The following SPOCD1 variants were observed in gnomAD, a reference collection of about 807,000 sequenced individuals.
SPOCD1 encodes the protein SPOC domain containing 1, also known as SPOC domain-containing protein 1.
In SPOCD1, 64 loss-of-function variants were observed where a neutral mutation model predicts 92.2. The observed-to-expected ratio is 0.69, with a 90% CI of 0.57 to 0.86. The LOEUF (loss-of-function observed/expected upper bound fraction) is 0.86, where lower values mean the gene tolerates loss of function less well. SPOCD1 is among the 40% of genes least tolerant of loss of function. The pLI is 0.00. For synonymous variants in SPOCD1, 578 were observed against 619.3 expected (o/e 0.93, Z 0.99); for missense variants, 1,360 against 1,543.1 (o/e 0.88, Z 1.99).
chr1:31,793,697 TC>T, intron 12 of SPOCD1, 49 bp downstream of exon 12: 1 of 1,611,256 alleles, frequency 6.2e-7, no homozygotes, highest in African/African-American at 1.3e-5. Flanking sequence ...GGTGGTGGCC[TC>T]CCCCTCAACC....
rs766797096 is a variant in SPOCD1 at position 31,794,199 on chromosome 1, G to A, written c.2308C>T (p.Leu770=). Residue 770 remains leucine, a synonymous_variant, in exon 11 of 16, where the codon CTG becomes TTG. Transcript: ENST00000360482. The part of the protein sequence containing the change: ...QMFMDCSPQA[L]PIASEDTTGQ... Reference sequence around the variant, plus strand: ...GTGGTGTCCTCTGATGCGATGGGCAGGGCCTGTGGGCTGCAGTCCATGAAC... The same window carrying A: ...GTGGTGTCCTCTGATGCGATGGGCAAGGCCTGTGGGCTGCAGTCCATGAAC... The A allele has an allele frequency of 6.2e-7, 1 of 1,614,042 alleles. No homozygotes were observed. Among genetic ancestry groups the A allele is most frequent in the South Asian group, 1.1e-5 (1 of 91,076 alleles).
At chr1:31,813,456 G>T (rs1289309306) in intron 2 of SPOCD1, among the ~76,000 whole-genome samples, 1 of 152,170 alleles carries the variant, frequency 6.6e-6, no homozygotes, top group Admixed American at 6.5e-5. Context: ...GTAGAGACAG[G>T]GTTTCACCAT....
intron 9 of SPOCD1, among the ~76,000 whole-genome samples, chr1:31,797,510 A>G (rs892567966): frequency 1.3e-5 from 2 of 152,220 alleles, no homozygotes; most frequent in African/African-American, 2.4e-5. Context: ...GCCCCCACAG[A>G]GCCTGGACAG....
At chr1:31,809,537 A>AC (rs999922487) in intron 2 of SPOCD1, among the ~76,000 whole-genome samples, 8 of 151,900 alleles carry the variant, frequency 5.3e-5, no homozygotes, top group African/African-American at 1.7e-4. Context: ...CAAAAAAAAA[A>AC]ACACCAAAAA....
chr1:31,815,376 T>G lies in SPOCD1; in HGVS notation c.-39-4A>C. ...GGCCAAAAGCACAACACGGGCCCTG[T>G]GTGGAGACAGAAAGAGGAGACTTTG... On this transcript the variant is annotated splice_polypyrimidine_tract_variant and splice_region_variant and intron_variant, in intron 1 of 15. Transcript: ENST00000360482. 2 of 1,499,996 alleles carry G rather than the reference T, an allele frequency of 1.3e-6. No homozygotes were observed. The highest frequency in any genetic ancestry group is 8.9e-7 in the Non-Finnish European group (1 of 1,123,334). The allele number at this position is 1,499,996 out of a possible 1,614,324, so 92.9% of individuals were successfully genotyped here.
In SPOCD1 at chr1:31,790,426, A is replaced by T; in HGVS notation, c.*177T>A. ...CTGACCAGCTAGCAGATGCAATCCC[A>T]ATTTTACCAAATTCTTTATTGAACA... On this transcript the variant is annotated 3_prime_UTR_variant, in exon 16 of 16. Transcript: ENST00000360482. 1.5e-6 allele frequency: 1 copy of T among 662,648 alleles called. No individual in the cohort carries two copies. The highest frequency in any genetic ancestry group is 2.6e-6 in the Non-Finnish European group (1 of 390,174). The allele number at this position is 662,648 out of a possible 1,614,324, so 41.0% of individuals were successfully genotyped here.
chr1:31,815,189 G>A lies in SPOCD1; in HGVS notation c.145C>T (p.Pro49Ser), dbSNP rs749532502. The A allele has an allele frequency of 1.2e-6, 2 of 1,608,242 alleles. No homozygotes were observed. The highest frequency in any genetic ancestry group is 1.7e-6 in the Non-Finnish European group (2 of 1,175,598). ...CTTCTGCTGCCAGCCCTGACTCCGG[G>A]CCCAGAGCTTGCTCCCGGCCCATCT... ...SPDGPGASSGPGVRAGSRRKI... is the reference protein window; with the variant it reads ...SPDGPGASSGSGVRAGSRRKI... The change falls in exon 2 of 16, where the codon CCC (proline) becomes TCC (serine). Residue 49 changes from proline to serine, a missense_variant. Transcript: ENST00000360482.
At chr1:31,794,631 C>T (rs1647881460) in intron 10 of SPOCD1, 1 of 157,930 alleles carries the variant, frequency 6.3e-6, no homozygotes, top group African/African-American at 2.4e-5. Flanking sequence ...ATTCTTCTGC[C>T]TCAGCCTCCT....
At chr1:31,792,173 A>C (rs577823141) in intron 15 of SPOCD1, 42 bp downstream of exon 15, 1 of 1,559,396 alleles carries the variant, frequency 6.4e-7, no homozygotes, top group Non-Finnish European at 8.7e-7. Flanking sequence ...CTGGTCACCA[A>C]GTGAGCAGAG....
chr1:31,803,408 C>T (rs1018650293), intron 2 of SPOCD1, among the ~76,000 whole-genome samples: 6 of 150,936 alleles, frequency 4.0e-5, no homozygotes, highest in African/African-American at 1.5e-4. Flanking sequence ...CTGGACAACA[C>T]ATTTAAATAA....
chr1:31,815,489 G>A lies in SPOCD1; in HGVS notation c.-39-117C>T, dbSNP rs115861490. On this transcript the variant is annotated intron_variant, in intron 1 of 15. Coordinates refer to ENST00000360482, the MANE Select transcript of SPOCD1 (RefSeq NM_144569.7). ...AGCTCTCCCAGACCCTTCCACTCCT[G>A]AGGCCTAGGGGTGAGCACTCCAGGG... 3.8e-4 allele frequency: 269 copies of A among 701,614 alleles called. No individual in the cohort carries two copies. The African/African-American group carries it at 4.4e-3, about 11-fold the overall frequency. The allele number at this position is 701,614 out of a possible 1,614,324, so 43.5% of individuals were successfully genotyped here.
At chr1:31,804,735 G>A (rs995351799) in intron 2 of SPOCD1, among the ~76,000 whole-genome samples, 3 of 151,998 alleles carry the variant, frequency 2.0e-5, no homozygotes, top group Non-Finnish European at 2.9e-5. Flanking sequence ...TGATGAAGAT[G>A]TTGTTAAATC....
rs1375660523 is a variant in SPOCD1, at chr1:31,792,290, G to T, written c.2887C>A (p.His963Asn). ...AGGGGCAGCAGGACCATCCCCATGT[G>T]CTCCACAGAGGCCAGCCCGTGGCGC... ...RQRHGLASVE[H>N]MGMVLLPLPA... Residue 963 changes from histidine (H) to asparagine (N), a missense_variant, in exon 15 of 16, where the codon CAC (histidine) becomes AAC (asparagine). Physicochemically the swap from His to Asn is moderately conservative, Grantham distance 68. Around this residue, in one of 3 missense-constraint regions of SPOCD1, gnomAD observed 614 missense variants for 757.8 expected, o/e 0.81. Transcript: ENST00000360482. 6.2e-7 allele frequency: 1 copy of T among 1,613,766 alleles called. No homozygotes were observed. The highest frequency in any genetic ancestry group is 8.5e-7 in the Non-Finnish European group (1 of 1,179,918).
At position 31,793,508 on chromosome 1, in the gene SPOCD1, G is replaced by A. The variant is rs759074047; in HGVS notation, c.2535-80C>T. On this transcript the variant is annotated intron_variant, in intron 12 of 15. Transcript: ENST00000360482. Reference sequence around the variant, plus strand: ...CGGCACCTCCTTTCTTTTCAGAGCAGATCCTGTGTCCCTACTGTGGGGACT... The same window carrying A: ...CGGCACCTCCTTTCTTTTCAGAGCAAATCCTGTGTCCCTACTGTGGGGACT... 24 of 1,532,866 alleles carry A rather than the reference G, an allele frequency of 1.6e-5. No individual in the cohort carries two copies. In the South Asian group the frequency reaches 2.9e-4, roughly 18 times the overall value. 95.0% of individuals were successfully genotyped at this position (1,532,866 alleles called of 1,614,324 possible).
At chr1:31,809,465 G>T (rs888263695) in intron 2 of SPOCD1, among the ~76,000 whole-genome samples, 1 of 151,134 alleles carries the variant, frequency 6.6e-6, no homozygotes, top group Non-Finnish European at 1.5e-5. Context: ...ATATTCCCTG[G>T]AGATACCCCA....
At chr1:31,796,738 G>A (rs1274500936) in intron 9 of SPOCD1, 23 bp from the exon 10 acceptor site, 1 of 1,613,880 alleles carries the variant, frequency 6.2e-7, no homozygotes, top group Non-Finnish European at 8.5e-7. Flanking sequence ...AGCAGGCCAA[G>A]CTGAGCCCAG....
chr1:31,815,094 T>C lies in SPOCD1; in HGVS notation c.240A>G (p.Pro80=). 6.2e-7 allele frequency: 1 copy of C among 1,613,070 alleles called. No individual in the cohort carries two copies. The highest frequency in any genetic ancestry group is 8.5e-7 in the Non-Finnish European group (1 of 1,179,490). Residue 80 remains proline (P), a synonymous_variant, in exon 2 of 16, where the codon CCA becomes CCG. Coordinates refer to ENST00000360482, the MANE Select transcript of SPOCD1 (RefSeq NM_144569.7). The part of the protein sequence containing the change: ...SRAAGAAEVR[P]GVLELLAVVQ... ...CCACAGCTAGCAGCTCCAAGACCCC[T>C]GGCCGGACCTCAGCAGCACCTGCAG...
Position 31,800,101 on chromosome 1 carries a change from G to A in SPOCD1, c.1643C>T (p.Pro548Leu). 6.2e-7 allele frequency: 1 copy of A among 1,605,204 alleles called. No homozygotes were observed. The highest frequency in any genetic ancestry group is 1.3e-5 in the African/African-American group (1 of 74,476). The change falls in exon 5 of 16, where the codon CCT becomes CTT. Residue 548 changes from proline to leucine, a missense_variant. This residue lies in a region of SPOCD1 where 606 missense variants were observed against 601.5 expected (regional missense o/e 1.01). Transcript: ENST00000360482. The stretch of plus-strand genomic sequence containing the variant: ...GTAGAAGGGGTCAGAGAGGCCACCA[G>A]GGTCCCCTGCTGTGCCTCCTGAAGG... ...PSPSGGTAGD[P>L]GGLSDPFYPP... is the part of the protein sequence containing the mutation.
rs1367023972 is a variant in SPOCD1, at chr1:31,815,942, T to A, written c.-40+19A>T. 7.4e-6 allele frequency: 1 copy of A among 135,920 alleles called. No individual in the cohort carries two copies. The highest frequency in any genetic ancestry group is 1.6e-5 in the Non-Finnish European group (1 of 61,542). The allele number at this position is 135,920 out of a possible 1,614,324, so 8.4% of individuals were successfully genotyped here. A position where few individuals can be genotyped will look rare whatever the true frequency, so the allele number is the denominator to read the frequency against. ...CAGCATCCAAGAAATCCGGGCCCCA[T>A]CGGTCGCGTCGCTCTCACCTGGGCT... On this transcript the variant is annotated intron_variant, in intron 1 of 15. Transcript: ENST00000360482.
Sources: gnomAD v4.1 joint callset for allele counts (sites outside exome capture counted in the v4.1 genomes callset) on GRCh38, gnomAD v4.1.1 for gene constraint, gnomAD v4.1.1 regional missense constraint, MANE v1.5 for transcripts, NCBI Gene and HGNC (gene_info 2026-07-23, HGNC 2026-07-21) for gene names.